The following ZMYND8 variants were observed in gnomAD, a reference collection of about 807,000 sequenced individuals.
ZMYND8 encodes MYND-type zinc finger-containing chromatin reader ZMYND8.
ZMYND8 carries 37 observed loss-of-function variants against 140.8 expected under a neutral mutation model. The ratio of observed to expected loss-of-function variants is 0.26; its 90% confidence interval spans 0.20 to 0.35. The LOEUF is 0.35. Among genes scored for constraint, ZMYND8 ranks in the 10% least tolerant of loss-of-function variants. ZMYND8 has a pLI of 1.00. For synonymous variants in ZMYND8, 592 were observed against 597.1 expected (o/e 0.99, Z 0.12); for missense variants, 1,068 against 1,570.0 (o/e 0.68, Z 5.40).
intron 2 of ZMYND8, chr20:47,318,997 T>C (rs1463155602): frequency 7.4e-7 from 1 of 1,351,576 alleles, no homozygotes; most frequent in Admixed American, 1.9e-5. Flanking sequence ...GCCTCTCTTG[T>C]TCAAAAGAGA....
Position 47,229,806 on chromosome 20 carries a change from T to C in ZMYND8, c.2857A>G (p.Met953Val). Residue 953 changes from methionine (M) to valine (V), a missense_variant and splice_region_variant, in exon 17 of 23, where the codon ATG becomes GTG. This residue lies in a region of ZMYND8 where 87 missense variants were observed against 151.1 expected (regional missense o/e 0.58). Transcript: ENST00000471951. ...AADIAKYTSK[M>V]MDAIKGTMTE... ...ATTGTTCCTTTTATTGCATCCATCA[T>C]CTGAAAGATAAAAACAGAAACAATT... 1 of 1,610,972 alleles carries C rather than the reference T, an allele frequency of 6.2e-7. No homozygotes were observed. The highest frequency in any genetic ancestry group is 8.5e-7 in the Non-Finnish European group (1 of 1,178,428).
At chr20:47,283,138 G>A (rs2076712584) in intron 9 of ZMYND8, among the ~76,000 whole-genome samples, 1 of 152,088 alleles carries the variant, frequency 6.6e-6, no homozygotes, top group South Asian at 2.1e-4. Context: ...AGGGAAACTA[G>A]GGTGACTTTA....
In ZMYND8 at chr20:47,224,465, C is replaced by T. The variant is rs2037408810; in HGVS notation, c.3108G>A (p.Gln1036=). 6.2e-7 allele frequency: 1 copy of T among 1,614,242 alleles called. No homozygotes were observed. Among genetic ancestry groups the T allele is most frequent in the Non-Finnish European group, 8.5e-7 (1 of 1,180,050 alleles). ...EVKKQLELEK[Q]QAVDETKKKQ... ...TCTTCTTGGTCTCATCCACCGCCTG[C>T]TGCTTCTCCAACTCCAGCTGCTTCT... Residue 1036 remains glutamine, a synonymous_variant, in exon 19 of 23, where the codon CAG becomes CAA. Coordinates refer to ENST00000471951, the MANE Select transcript of ZMYND8 (RefSeq NM_001281775.3).
intron 2 of ZMYND8, among the ~76,000 whole-genome samples, chr20:47,344,947 T>C (rs1014084214): frequency 1.3e-5 from 2 of 151,852 alleles, no homozygotes; most frequent in Non-Finnish European, 2.9e-5. Context: ...ACCTCATCCC[T>C]ACAAAAAAAA....
chr20:47,276,433 A>G lies in ZMYND8; in HGVS notation c.1361T>C (p.Met454Thr), dbSNP rs779383195. The G allele has an allele frequency of 6.2e-7, 1 of 1,614,058 alleles. No homozygotes were observed. Among genetic ancestry groups the G allele is most frequent in the South Asian group, 1.1e-5 (1 of 91,080 alleles). Reference protein sequence around the residue: ...ISLSDMPRSPMSTNSSVHTGS... With the variant: ...ISLSDMPRSPTSTNSSVHTGS... The stretch of plus-strand genomic sequence containing the variant: ...CGTGTGCACAGAAGAGTTTGTGCTC[A>G]TGGGGGAGCGCGGCATATCCGACAA... Residue 454 changes from methionine (M) to threonine (T), a missense_variant, in exon 11 of 23, where the codon ATG (methionine) becomes ACG (threonine). Physicochemically the swap from Met to Thr is moderately conservative, Grantham distance 81. This residue lies in a region of ZMYND8 where 173 missense variants were observed against 223.3 expected (regional missense o/e 0.77). Coordinates refer to ENST00000471951, the MANE Select transcript of ZMYND8 (RefSeq NM_001281775.3).
intron 6 of ZMYND8, 50 bp from the exon 7 acceptor site, chr20:47,290,324 C>A: frequency 6.6e-7 from 1 of 1,519,336 alleles, no homozygotes; most frequent in Non-Finnish European, 9.1e-7. Flanking sequence ...AGACAAGCCA[C>A]AGTCAGTGAC....
chr20:47,349,836 C>G, intron 1 of ZMYND8: 3 of 1,522,050 alleles, frequency 2.0e-6, no homozygotes, highest in Non-Finnish European at 1.7e-6. Context: ...AACAATTATG[C>G]AGAACTGAGC....
Position 47,347,867 on chromosome 20 carries a change from G to A in ZMYND8, c.74C>T (p.Thr25Ile). The part of the protein sequence containing the change: ...QEVVEGMDIS[T>I]RSKDPGSAER... ...AGATTTTTACTCACCTTTGGAGCGA[G>A]TAGAGATATCCATGCCCTCTACCAC... Residue 25 changes from threonine (T) to isoleucine (I), a missense_variant, in exon 2 of 23, where the codon ACT (threonine) becomes ATT (isoleucine). Physicochemically the swap from Thr to Ile is moderately conservative, Grantham distance 89 (BLOSUM62 -1). This residue lies in a region of ZMYND8 where 77 missense variants were observed against 85.1 expected (regional missense o/e 0.91). Coordinates refer to ENST00000471951, the MANE Select transcript of ZMYND8 (RefSeq NM_001281775.3). The A allele has an allele frequency of 6.2e-7, 1 of 1,613,912 alleles. No homozygotes were observed.
intron 15 of ZMYND8, chr20:47,238,406 A>C: frequency 2.7e-6 from 1 of 366,206 alleles, no homozygotes; most frequent in Non-Finnish European, 5.1e-6. Context: ...GCATACATGC[A>C]TAGAAAAGCT....
chr20:47,339,980 T>TC (rs2081708451), intron 2 of ZMYND8, among the ~76,000 whole-genome samples: 1 of 152,080 alleles, frequency 6.6e-6, no homozygotes, highest in Admixed American at 6.5e-5. Flanking sequence ...TCTCACTCTG[T>TC]CACCCAGGCT....
chr20:47,338,122 T>C (rs1377731235), intron 2 of ZMYND8, among the ~76,000 whole-genome samples: 1 of 152,072 alleles, frequency 6.6e-6, no homozygotes, highest in Non-Finnish European at 1.5e-5. Flanking sequence ...TTATCTCCTT[T>C]TGAGGACCCA....
chr20:47,245,859 C>T (rs1448955208), intron 14 of ZMYND8, 149 bp downstream of exon 14: 5 of 1,248,574 alleles, frequency 4.0e-6, no homozygotes, highest in Non-Finnish European at 3.2e-6. Flanking sequence ...AAACCAAACA[C>T]AGCTTCACTG....
chr20:47,216,058 G>A (rs1305178929), intron 21 of ZMYND8, among the ~76,000 whole-genome samples: 2 of 152,210 alleles, frequency 1.3e-5, no homozygotes, highest in Non-Finnish European at 2.9e-5. Flanking sequence ...CGGAGGCCCT[G>A]CAGAGGGCAG....
At chr20:47,273,034 C>T (rs182248804) in intron 11 of ZMYND8, among the ~76,000 whole-genome samples, 1 of 152,254 alleles carries the variant, frequency 6.6e-6, no homozygotes, top group East Asian at 1.9e-4. Context: ...CAGAATCTGG[C>T]TGTGGGGACT....
chr20:47,301,870 G>A (rs886542235), intron 3 of ZMYND8, among the ~76,000 whole-genome samples: 1 of 152,200 alleles, frequency 6.6e-6, no homozygotes, highest in Admixed American at 6.5e-5. Flanking sequence ...GAGGGACCCA[G>A]TGGGAGGTAA....
chr20:47,321,407 T>C (rs1363120420), intron 2 of ZMYND8, among the ~76,000 whole-genome samples: 2 of 152,336 alleles, frequency 1.3e-5, no homozygotes, highest in Middle Eastern at 3.4e-3. Context: ...AGGCATCTAC[T>C]GGGTAGAGGT....
intron 12 of ZMYND8, among the ~76,000 whole-genome samples, chr20:47,254,707 G>C (rs1361831923): frequency 7.5e-6 from 1 of 133,908 alleles, no homozygotes; most frequent in East Asian, 2.7e-4. Flanking sequence ...TTGGGTCCTG[G>C]ATAAGTCTTT....
At chr20:47,262,001 G>A (rs1391116854) in intron 12 of ZMYND8, among the ~76,000 whole-genome samples, 1 of 151,876 alleles carries the variant, frequency 6.6e-6, no homozygotes, top group Non-Finnish European at 1.5e-5. Context: ...AACCCAGGAG[G>A]CGGAGGTTGC....
intron 2 of ZMYND8, among the ~76,000 whole-genome samples, chr20:47,328,821 T>C (rs988170586): frequency 6.6e-6 from 1 of 152,192 alleles, no homozygotes; most frequent in Admixed American, 6.5e-5. Context: ...GCAACTACCA[T>C]GAAATGCCAG....
Sources: gnomAD v4.1 joint callset for allele counts (sites outside exome capture counted in the v4.1 genomes callset) on GRCh38, gnomAD v4.1.1 for gene constraint, gnomAD v4.1.1 regional missense constraint, MANE v1.5 for transcripts, NCBI Gene and HGNC (gene_info 2026-07-23, HGNC 2026-07-21) for gene names.